The following BAHCC1 variants were observed in gnomAD, a reference collection of about 807,000 sequenced individuals.
BAHCC1 encodes the protein BAH and coiled-coil domain-containing protein 1.
A neutral mutation model predicts 88.2 loss-of-function variants in BAHCC1; 43 were observed. The observed-to-expected ratio is 0.49, with a 90% CI of 0.38 to 0.63. The LOEUF (loss-of-function observed/expected upper bound fraction) is 0.63. Ranked by LOEUF, BAHCC1 falls within the 20% of genes least tolerant of loss-of-function variation. BAHCC1 has a pLI of 0.00. For missense variants in BAHCC1, 3,023 were observed against 1,654.8 expected, an observed-to-expected ratio of 1.83 and a Z score of -14.34; for synonymous variants, 1,510 against 745.5, an observed-to-expected ratio of 2.03 and a Z score of -16.71.
At chr17:81,405,073 G>GT (rs1474070114) in intron 2 of BAHCC1, among the ~76,000 whole-genome samples, 1 of 152,060 alleles carries the variant, frequency 6.6e-6, no homozygotes, top group Non-Finnish European at 1.5e-5. Context: ...TTTTGTTTTT[G>GT]TTTTTTGAGA....
At chr17:81,401,345 T>A (rs2063814458) in intron 2 of BAHCC1, 1 of 152,708 alleles carries the variant, frequency 6.5e-6, no homozygotes, top group Admixed American at 6.5e-5. Context: ...CCTGGGCCTT[T>A]GGCGAGGCTG....
intron 2 of BAHCC1, among the ~76,000 whole-genome samples, chr17:81,416,007 C>CGT (rs113455456): frequency 6.2e-5 from 9 of 145,304 alleles, no homozygotes; most frequent in East Asian, 2.1e-4. Flanking sequence ...GGTGTATGCG[C>CGT]GTGTGTGTGT....
At chr17:81,419,024 T>G (rs1352501715) in intron 2 of BAHCC1, among the ~76,000 whole-genome samples, 1 of 151,744 alleles carries the variant, frequency 6.6e-6, no homozygotes, top group Non-Finnish European at 1.5e-5. Context: ...ACATCTCGAG[T>G]CTGGACCACT....
At chr17:81,456,643 C>A in intron 16 of BAHCC1, 58 bp downstream of exon 16, 1 of 660,430 alleles carries the variant, frequency 1.5e-6, no homozygotes, top group South Asian at 1.7e-5. Context: ...CGCTCGGGGG[C>A]TGGAGGAGGG....
chr17:81,455,584 C>G (rs547752803), intron 15 of BAHCC1, among the ~76,000 whole-genome samples, 194 bp downstream of exon 15: 1 of 152,190 alleles, frequency 6.6e-6, no homozygotes, highest in Non-Finnish European at 1.5e-5. Flanking sequence ...AAGGTCTGAC[C>G]GGGTGGCCCT....
chr17:81,442,201 C>T lies in BAHCC1; in HGVS notation c.852C>T (p.Leu284=), dbSNP rs2064430690. Residue 284 remains leucine (L), a synonymous_variant, in exon 5 of 28, where the codon CTC becomes CTT. Coordinates refer to ENST00000675386, the MANE Select transcript of BAHCC1 (RefSeq NM_001377448.1). ...GCCCCAAGCACCTCACCTCCTGCCT[C>T]CTCAACACCAAGGTGCTCAACGGCG... The part of the protein sequence containing the change: ...EGRPKHLTSC[L]LNTKVLNGEM... The T allele has an allele frequency of 1.5e-6, 1 of 658,914 alleles. No homozygotes were observed. Among genetic ancestry groups the T allele is most frequent in the South Asian group, 1.7e-5 (1 of 58,894 alleles). 40.8% of individuals were successfully genotyped at this position (658,914 alleles called of 1,614,324 possible).
intron 2 of BAHCC1, among the ~76,000 whole-genome samples, chr17:81,418,795 G>GTGTGTGTA (rs1214272826): frequency 1.9e-5 from 1 of 53,916 alleles, no homozygotes; most frequent in Non-Finnish European, 4.5e-5. Context: ...GTACGTGTGT[G>GTGTGTGTA]CGTGTGTGTG....
chr17:81,406,549 TG>T (rs1555646926), intron 2 of BAHCC1, among the ~76,000 whole-genome samples: 1 of 152,202 alleles, frequency 6.6e-6, no homozygotes, highest in African/African-American at 2.4e-5. Flanking sequence ...GGATGGGGCC[TG>T]GAAGGGCCTC....
chr17:81,421,707 C>T (rs2064117730), intron 2 of BAHCC1, among the ~76,000 whole-genome samples: 1 of 152,232 alleles, frequency 6.6e-6, no homozygotes, highest in Non-Finnish European at 1.5e-5. Flanking sequence ...GGCAGAGGCT[C>T]TTCCCCTGCC....
At chr17:81,418,796 C>CATGTGTGTGTGTGCGCGCAT (rs1555649103) in intron 2 of BAHCC1, among the ~76,000 whole-genome samples, 4 of 144,800 alleles carry the variant, frequency 2.8e-5, no homozygotes, top group Non-Finnish European at 3.0e-5. Context: ...TACGTGTGTG[C>CATGTGTGTGTGTGCGCGCAT]GTGTGTGTGT....
At chr17:81,462,692 C>T in intron 26 of BAHCC1, 48 bp from the exon 27 acceptor site, 1 of 715,696 alleles carries the variant, frequency 1.4e-6, no homozygotes, top group Non-Finnish European at 2.6e-6. Context: ...CCACCTGTCC[C>T]CACAGCCCCC....
intron 4 of BAHCC1, among the ~76,000 whole-genome samples, chr17:81,439,939 G>A (rs1555652245): frequency 1.3e-5 from 2 of 151,634 alleles, no homozygotes; most frequent in Non-Finnish European, 2.9e-5. Flanking sequence ...CAGGACCTCT[G>A]TGTGGCCTGC....
At chr17:81,416,162 A>ATGTGCGTG (rs2064020355) in intron 2 of BAHCC1, among the ~76,000 whole-genome samples, 1 of 118,828 alleles carries the variant, frequency 8.4e-6, no homozygotes, top group Non-Finnish European at 1.7e-5. Flanking sequence ...GGATGGGTGT[A>ATGTGCGTG]TGTGCGTGTG....
At position 81,395,993 on chromosome 17, in the gene BAHCC1, G is replaced by A. The variant is rs992222377; in HGVS notation, c.-207+358G>A. On this transcript the variant is annotated intron_variant, in intron 1 of 27. Coordinates refer to ENST00000675386, the MANE Select transcript of BAHCC1 (RefSeq NM_001377448.1). The stretch of plus-strand genomic sequence containing the variant: ...GACAGGGACCGCCAGGCTGCGTCTG[G>A]CGCGAGCCGCGCGGGTGGCACCGGG... 3 of 152,362 alleles carry A rather than the reference G, an allele frequency of 2.0e-5. No homozygotes were observed. The East Asian group carries it at 5.8e-4, about 29-fold the overall frequency. The allele number at this position is 152,362 out of a possible 1,614,324, so 9.4% of individuals were successfully genotyped here.
At chr17:81,449,647 G>A (rs553242623) in intron 11 of BAHCC1, among the ~76,000 whole-genome samples, 2 of 151,994 alleles carry the variant, frequency 1.3e-5, no homozygotes, top group South Asian at 2.1e-4. Context: ...GTGCCTCCCC[G>A]GCTGCTGATG....
At position 81,458,457 on chromosome 17, in the gene BAHCC1, A is replaced by G; in HGVS notation, c.5334A>G (p.Pro1778=). 1.4e-6 allele frequency: 1 copy of G among 716,376 alleles called. No individual in the cohort carries two copies. The highest frequency in any genetic ancestry group is 3.7e-4 in the Middle Eastern group (1 of 2,710). 44.4% of individuals were successfully genotyped at this position (716,376 alleles called of 1,614,324 possible). A position where few individuals can be genotyped will look rare whatever the true frequency, so the allele number is the denominator to read the frequency against. The change falls in exon 18 of 28, where the codon CCA becomes CCG. Residue 1778 remains proline (P), a synonymous_variant. Transcript: ENST00000675386. ...RATRKGTVLQ[P]VLRRKNGALS... ...CGCGCAAGGGCACAGTGCTGCAGCC[A>G]GTGCTGCGGGTGAGGCTGGGCTCTG...
At chr17:81,408,621 G>C (rs929300443) in intron 2 of BAHCC1, among the ~76,000 whole-genome samples, 1 of 152,184 alleles carries the variant, frequency 6.6e-6, no homozygotes, top group Non-Finnish European at 1.5e-5. Flanking sequence ...GTCCCCGACT[G>C]CTCCATGCCC....
chr17:81,457,289 T>G (rs1598509259), intron 16 of BAHCC1, 121 bp from the exon 17 acceptor site: 1 of 643,166 alleles, frequency 1.6e-6, no homozygotes, highest in East Asian at 2.7e-5. Flanking sequence ...GCCCAGAGGG[T>G]GACGGTGACC....
intron 2 of BAHCC1, among the ~76,000 whole-genome samples, chr17:81,412,138 T>G (rs1281126114): frequency 6.6e-6 from 1 of 152,068 alleles, no homozygotes; most frequent in Non-Finnish European, 1.5e-5. Context: ...TCCCCCAGGA[T>G]CCTCCGGATC....
Sources: allele counts gnomAD v4.1 joint callset (sites outside exome capture counted in the v4.1 genomes callset), GRCh38; gene constraint gnomAD v4.1.1; transcripts MANE v1.5; gene names NCBI Gene and HGNC (gene_info 2026-07-23, HGNC 2026-07-21).